Variants in OXCT1 observed in about 807,000 individuals in gnomAD.
OXCT1 encodes the protein succinyl-CoA:3-ketoacid coenzyme A transferase 1, mitochondrial.
In OXCT1, 27 loss-of-function variants were observed where a neutral mutation model predicts 69.6. That is an observed-to-expected ratio of 0.39 (90% CI 0.29 to 0.54). The LOEUF (loss-of-function observed/expected upper bound fraction) is 0.54, where lower values mean the gene tolerates loss of function less well. OXCT1 is among the 20% of genes least tolerant of loss of function. The probability of loss-of-function intolerance (pLI) is 0.72; values close to 1 mark genes in which losing one functional copy is unlikely to be tolerated. For synonymous variants in OXCT1, 202 were observed against 217.8 expected (o/e 0.93, Z 0.64); for missense variants, 437 against 650.2 (o/e 0.67, Z 3.57).
At chr5:41,759,575 C>T (rs981325317) in intron 14 of OXCT1, among the ~76,000 whole-genome samples, 1 of 152,060 alleles carries the variant, frequency 6.6e-6, no homozygotes, top group African/African-American at 2.4e-5. Context: ...AGGTGTTACT[C>T]CAGAGCAGCA....
chr5:41,747,306 G>A (rs1454293342), intron 15 of OXCT1, among the ~76,000 whole-genome samples: 3 of 151,994 alleles, frequency 2.0e-5, no homozygotes, highest in Non-Finnish European at 2.9e-5. Flanking sequence ...GTGACTACAT[G>A]TTTTCTTCCT....
intron 13 of OXCT1, among the ~76,000 whole-genome samples, chr5:41,778,231 T>G (rs2112167692): frequency 6.6e-6 from 1 of 152,350 alleles, no homozygotes; most frequent in South Asian, 2.1e-4. Flanking sequence ...TATCTTATTA[T>G]CTAAAAATTT....
chr5:41,809,141 T>G (rs554753722), intron 7 of OXCT1, among the ~76,000 whole-genome samples: 3 of 152,050 alleles, frequency 2.0e-5, no homozygotes, highest in Non-Finnish European at 4.4e-5. Context: ...TAAAAATTTA[T>G]AGAAATGCAC....
At chr5:41,798,708 G>A (rs1253067912) in intron 11 of OXCT1, among the ~76,000 whole-genome samples, 1 of 152,182 alleles carries the variant, frequency 6.6e-6, no homozygotes, top group African/African-American at 2.4e-5. Context: ...AATGCAAAAT[G>A]CACAATACAG....
intron 5 of OXCT1, chr5:41,843,573 G>T (rs1258618497): frequency 6.6e-6 from 3 of 455,824 alleles, no homozygotes; most frequent in African/African-American, 6.0e-5. Flanking sequence ...AAACTGTCTT[G>T]CCATCATGTT....
chr5:41,861,217 G>C, intron 3 of OXCT1, 97 bp downstream of exon 3: 1 of 829,854 alleles, frequency 1.2e-6, no homozygotes, highest in Non-Finnish European at 2.1e-6. Context: ...TATTGCTCAT[G>C]TGAATAGGAG....
intron 15 of OXCT1, among the ~76,000 whole-genome samples, chr5:41,742,652 G>T: frequency 6.6e-6 from 1 of 150,800 alleles, no homozygotes; most frequent in Non-Finnish European, 1.5e-5. Flanking sequence ...CCCACAACAG[G>T]CCCCAGTGTG....
At chr5:41,837,121 A>G (rs1267848163) in intron 7 of OXCT1, among the ~76,000 whole-genome samples, 1 of 152,142 alleles carries the variant, frequency 6.6e-6, no homozygotes, top group African/African-American at 2.4e-5. Flanking sequence ...AGTACTTTAA[A>G]TATTTATAGT....
In OXCT1 at chr5:41,803,049, A is replaced by T; in HGVS notation, c.1050+20T>A. The T allele has an allele frequency of 1.3e-6, 2 of 1,549,106 alleles. No individual in the cohort carries two copies. The highest frequency in any genetic ancestry group is 1.8e-6 in the Non-Finnish European group (2 of 1,121,278). ...ATTCTTCATTAAGACTGGATTTTAGAAAACAAATTTTCATCTTACCAAACC... is the reference window on the plus strand; with the variant it reads ...ATTCTTCATTAAGACTGGATTTTAGTAAACAAATTTTCATCTTACCAAACC... On this transcript the variant is annotated intron_variant, in intron 10 of 16. Coordinates refer to ENST00000196371, the MANE Select transcript of OXCT1 (RefSeq NM_000436.4).
At position 41,862,716 on chromosome 5, in the gene OXCT1, C is replaced by G; in HGVS notation, c.113G>C (p.Arg38Pro). The G allele has an allele frequency of 6.2e-7, 1 of 1,611,208 alleles. No homozygotes were observed. Among genetic ancestry groups the G allele is most frequent in the Non-Finnish European group, 8.5e-7 (1 of 1,178,474 alleles). ...CVCSFSTSAH[R>P]HTKFYTDPVE... The stretch of plus-strand genomic sequence containing the variant: ...TGGATCTGTATAAAACTTGGTATGG[C>G]GATGAGCACTGGTGGAAAAGGAACA... Residue 38 changes from arginine to proline, a missense_variant, in exon 2 of 17, where the codon CGC becomes CCC. Around this residue, in one of 4 missense-constraint regions of OXCT1, gnomAD observed 79 missense variants for 61.5 expected, o/e 1.28. Coordinates refer to ENST00000196371, the MANE Select transcript of OXCT1 (RefSeq NM_000436.4).
intron 13 of OXCT1, among the ~76,000 whole-genome samples, chr5:41,790,938 C>T (rs1745887187): frequency 6.6e-6 from 1 of 152,064 alleles, no homozygotes; most frequent in South Asian, 2.1e-4. Context: ...CTCGCTTTTA[C>T]CAGTGTATTT....
chr5:41,857,785 G>A (rs1393062024), intron 3 of OXCT1, among the ~76,000 whole-genome samples: 1 of 152,068 alleles, frequency 6.6e-6, no homozygotes, highest in East Asian at 1.9e-4. Flanking sequence ...GGCTCCCTTT[G>A]GTAAACTCCT....
intron 14 of OXCT1, among the ~76,000 whole-genome samples, chr5:41,755,910 A>G (rs2112077433): frequency 1.3e-5 from 2 of 152,234 alleles, no homozygotes; most frequent in South Asian, 4.1e-4. Context: ...GTTGCATAAA[A>G]CAACAATTAT....
At chr5:41,859,907 T>TATTTAATATATATATATATAC (rs1304074270) in intron 3 of OXCT1, among the ~76,000 whole-genome samples, 1 of 138,480 alleles carries the variant, frequency 7.2e-6, no homozygotes, top group Non-Finnish European at 1.6e-5. Flanking sequence ...TATATATATA[T>TATTTAATATATATATATATAC]ACACACACAC....
At chr5:41,771,490 T>C (rs1302807775) in intron 13 of OXCT1, among the ~76,000 whole-genome samples, 1 of 152,210 alleles carries the variant, frequency 6.6e-6, no homozygotes, top group Non-Finnish European at 1.5e-5. Flanking sequence ...CTCTGATCTA[T>C]TTGTTAGATT....
chr5:41,797,543 T>C (rs1746238113), intron 11 of OXCT1, among the ~76,000 whole-genome samples: 1 of 152,230 alleles, frequency 6.6e-6, no homozygotes, highest in African/African-American at 2.4e-5. Flanking sequence ...CTATTCCTGA[T>C]TGATTTGTCT....
At chr5:41,801,398 G>A (rs530920151) in intron 10 of OXCT1, among the ~76,000 whole-genome samples, 4 of 152,112 alleles carry the variant, frequency 2.6e-5, no homozygotes, top group Admixed American at 6.5e-5. Context: ...AATATAGGTC[G>A]GTAAAACTAA....
intron 7 of OXCT1, among the ~76,000 whole-genome samples, chr5:41,815,745 GA>G (rs1489241647): frequency 1.3e-5 from 2 of 151,972 alleles, no homozygotes; most frequent in African/African-American, 4.8e-5. Context: ...ATACCCCAAG[GA>G]AAACAGGGAG....
chr5:41,812,946 G>T (rs1747058061), intron 7 of OXCT1, among the ~76,000 whole-genome samples: 2 of 151,978 alleles, frequency 1.3e-5, no homozygotes, highest in African/African-American at 2.4e-5. Context: ...CAAAAGGGGG[G>T]CTCAATCTAC....
Sources: gnomAD v4.1 joint callset for allele counts (sites outside exome capture counted in the v4.1 genomes callset) on GRCh38, gnomAD v4.1.1 for gene constraint, gnomAD v4.1.1 regional missense constraint, MANE v1.5 for transcripts, NCBI Gene and HGNC (gene_info 2026-07-23, HGNC 2026-07-21) for gene names.